ZFP1: variants seen among roughly 807,000 people sequenced by gnomAD.
ZFP1 encodes the protein zinc finger protein 1 homolog.
ZFP1 carries 32 observed loss-of-function variants against 38.5 expected under a neutral mutation model. The observed-to-expected ratio is 0.83, with a 90% confidence interval of 0.63 to 1.12. The LOEUF (loss-of-function observed/expected upper bound fraction) is 1.12. Ranked by LOEUF, ZFP1 falls within the 50% of genes most tolerant of loss-of-function variation. The pLI is 0.00. For missense variants in ZFP1, 616 were observed against 480.8 expected, an observed-to-expected ratio of 1.28 and a Z score of -2.63; for synonymous variants, 245 against 168.8, an observed-to-expected ratio of 1.45 and a Z score of -3.50.
At chr16:75,143,184 A>G in the ZFP1 span, among the ~76,000 whole-genome samples, 2 of 152,346 alleles carry the variant, frequency 1.3e-5, no homozygotes, top group East Asian at 3.9e-4. Flanking sequence ...GGGGAAATGT[A>G]TATATGAGAA....
chr16:75,136,733 G>A, the ZFP1 span, among the ~76,000 whole-genome samples: 1 of 151,978 alleles, frequency 6.6e-6, no homozygotes, highest in Non-Finnish European at 1.5e-5. Flanking sequence ...AGCCAGCCGT[G>A]ATGGTGTTCA....
the ZFP1 span, among the ~76,000 whole-genome samples, chr16:75,133,922 G>A: frequency 2.0e-5 from 3 of 152,176 alleles, no homozygotes; most frequent in South Asian, 6.2e-4. Flanking sequence ...GCTGGTGCAT[G>A]CCTGTAGCCC....
intron 2 of ZFP1, among the ~76,000 whole-genome samples, chr16:75,162,595 C>T (rs752556080): frequency 4.6e-5 from 7 of 152,054 alleles, no homozygotes; most frequent in Non-Finnish European, 4.4e-5. Context: ...ATGATGGTGA[C>T]GTTTGGGGTA....
At chr16:75,168,390 T>C (rs1395578198) in intron 3 of ZFP1, among the ~76,000 whole-genome samples, 3 of 151,302 alleles carry the variant, frequency 2.0e-5, no homozygotes, top group African/African-American at 4.9e-5. Flanking sequence ...ATATTGAGAG[T>C]ATCCCTTGAG....
intron 2 of ZFP1, among the ~76,000 whole-genome samples, chr16:75,162,744 T>C (rs1037512348): frequency 2.0e-5 from 3 of 152,136 alleles, no homozygotes; most frequent in Non-Finnish European, 4.4e-5. Context: ...CTCCCACTTA[T>C]AAGTGAGGAT....
chr16:75,141,363 T>C, the ZFP1 span, among the ~76,000 whole-genome samples: 21 of 151,450 alleles, frequency 1.4e-4, no homozygotes, highest in Non-Finnish European at 2.5e-4. Context: ...CCACCACACC[T>C]GGCTAATTTT....
At chr16:75,149,557 CTTTTT>C (rs34371791) in intron 1 of ZFP1, among the ~76,000 whole-genome samples, 55 of 101,792 alleles carry the variant, frequency 5.4e-4, no homozygotes, top group Non-Finnish European at 7.2e-4. Context: ...TCTTTACTTT[CTTTTT>C]TTTTTTTTTT....
intron 2 of ZFP1, among the ~76,000 whole-genome samples, chr16:75,157,803 T>G (rs545343789): frequency 1.3e-5 from 2 of 152,148 alleles, no homozygotes; most frequent in South Asian, 4.2e-4. Context: ...GTTGGTTGGT[T>G]GGTTTGTTTT....
rs756031717 is a variant in ZFP1 at position 75,153,000 on chromosome 16, C to T, written c.15+34C>T. ...TTTGTTTATTCCCCATTTTGCTTTT[C>T]AGTGCATTTAAGGAAGTTTATAAGG... On this transcript the variant is annotated intron_variant, in intron 2 of 3. Coordinates refer to ENST00000570010, the MANE Select transcript of ZFP1 (RefSeq NM_153688.4). 9 of 1,612,040 alleles carry T rather than the reference C, an allele frequency of 5.6e-6. No homozygotes were observed. In the South Asian group the frequency reaches 6.6e-5, roughly 12 times the overall value.
Position 75,170,226 on chromosome 16 carries a change from A to C in ZFP1, c.1116A>C (p.Arg372=), listed in dbSNP as rs558089720. ...GGTCAACTCTTAGATTACACTTGCGAATCCACACAGGAGAGAAACCATATG... is the reference window on the plus strand; with the variant it reads ...GGTCAACTCTTAGATTACACTTGCGCATCCACACAGGAGAGAAACCATATG... The part of the protein sequence containing the change: ...SQRSTLRLHL[R]IHTGEKPYEC... Residue 372 remains arginine, a synonymous_variant, in exon 4 of 4, where the codon CGA becomes CGC. Coordinates refer to ENST00000570010, the MANE Select transcript of ZFP1 (RefSeq NM_153688.4). 22 of 1,614,032 alleles carry C rather than the reference A, an allele frequency of 1.4e-5. No individual in the cohort carries two copies. The highest frequency in any genetic ancestry group is 1.9e-5 in the Non-Finnish European group (22 of 1,180,022).
At position 75,148,658 on chromosome 16, in the gene ZFP1, TC is replaced by T. The variant is rs1329036531; in HGVS notation, c.-44+17del. ...CGCCCCTCCAGGTACGAGAGGGGCT[TC>T]CAGGTAGCTCCGCGCGGCCTGGGGC... On this transcript the variant is annotated intron_variant, in intron 1 of 3. Coordinates refer to ENST00000570010, the MANE Select transcript of ZFP1 (RefSeq NM_153688.4). 2 of 152,258 alleles carry T rather than the reference TC, an allele frequency of 1.3e-5. No individual in the cohort carries two copies. The highest frequency in any genetic ancestry group is 4.8e-5 in the African/African-American group (2 of 41,458). 9.4% of individuals were successfully genotyped at this position (152,258 alleles called of 1,614,324 possible).
At chr16:75,164,996 G>C (rs2048130788) in intron 2 of ZFP1, among the ~76,000 whole-genome samples, 1 of 151,944 alleles carries the variant, frequency 6.6e-6, no homozygotes, top group East Asian at 1.9e-4. Flanking sequence ...GTAGAGACGG[G>C]GTTTCTCCAT....
the ZFP1 span, among the ~76,000 whole-genome samples, chr16:75,123,455 G>GTATGTATATATATATATATATA: frequency 1.1e-5 from 1 of 87,288 alleles, no homozygotes; most frequent in Non-Finnish European, 2.1e-5. Flanking sequence ...GTGTGTATAT[G>GTATGTATATATATATATATATA]TATATATATA....
chr16:75,165,287 A>T (rs1341338105), intron 2 of ZFP1, among the ~76,000 whole-genome samples: 3 of 152,236 alleles, frequency 2.0e-5, no homozygotes, highest in African/African-American at 7.2e-5. Flanking sequence ...CAACCAACTC[A>T]TTCTAAATAC....
At chr16:75,135,209 C>CAAAAAAAAAAAAAAAAAA in the ZFP1 span, among the ~76,000 whole-genome samples, 15 of 14,960 alleles carry the variant, frequency 1.0e-3, 6 homozygotes, top group African/African-American at 1.2e-3. Context: ...GACCTTATCT[C>CAAAAAAAAAAAAAAAAAA]AAAAAAAAAA....
the ZFP1 span, among the ~76,000 whole-genome samples, chr16:75,125,503 T>C: frequency 6.6e-6 from 1 of 152,014 alleles, no homozygotes; most frequent in South Asian, 2.1e-4. Flanking sequence ...TGTATTTTTT[T>C]AGTAGAGACA....
chr16:75,156,370 T>A lies in ZFP1; in HGVS notation c.15+3404T>A, dbSNP rs1298637934. On this transcript the variant is annotated intron_variant, in intron 2 of 3. Transcript: ENST00000570010. ...TACTTCGGAGGCTAAGGCAGGAGAATCGCTTGAACCCAGGAGGTGGAGGCT... is the reference window on the plus strand; with the variant it reads ...TACTTCGGAGGCTAAGGCAGGAGAAACGCTTGAACCCAGGAGGTGGAGGCT... 4.6e-5 allele frequency among the ~76,000 whole-genome samples: 7 copies of A among 152,036 alleles called. 1 individual carries two copies. The highest frequency in any genetic ancestry group is 1.0e-4 in the Non-Finnish European group (7 of 68,008).
chr16:75,151,775 C>CAA (rs3071597), intron 1 of ZFP1, among the ~76,000 whole-genome samples: 119,007 of 151,908 alleles, frequency 0.78, 47,761 homozygotes, highest in Non-Finnish European at 0.87. Flanking sequence ...TAACGATTCT[C>CAA]GAGATTTTCA....
intron 2 of ZFP1, among the ~76,000 whole-genome samples, chr16:75,159,842 G>A (rs1756251885): frequency 6.6e-6 from 1 of 152,138 alleles, no homozygotes; most frequent in South Asian, 2.1e-4. Context: ...TGATCCCATT[G>A]GGGCATGTTT....
Sources: gnomAD v4.1 joint callset for allele counts (sites outside exome capture counted in the v4.1 genomes callset) on GRCh38, gnomAD v4.1.1 for gene constraint, MANE v1.5 for transcripts, NCBI Gene and HGNC (gene_info 2026-07-23, HGNC 2026-07-21) for gene names.